Variants in DNAH8 observed in about 807,000 individuals in gnomAD.
The protein encoded by DNAH8 is axonemal beta dynein heavy chain 8.
Under a neutral mutation model 562.1 loss-of-function variants are expected in DNAH8, and 382 were observed. That is an observed-to-expected ratio of 0.68 (90% CI 0.63 to 0.74). DNAH8 has a LOEUF of 0.74. DNAH8 is among the 30% of genes least tolerant of loss of function. The pLI is 0.00. For missense variants in DNAH8, 5,203 were observed against 5,620.4 expected (o/e 0.93, Z 2.37); for synonymous variants, 1,881 against 1,919.4 (o/e 0.98, Z 0.52).
rs1441028488 is a variant in DNAH8, at chr6:38,761,752, A to G, written c.1566A>G (p.Gly522=). The G allele has an allele frequency of 6.4e-7, 1 of 1,566,300 alleles. No homozygotes were observed. The highest frequency in any genetic ancestry group is 1.2e-5 in the South Asian group (1 of 84,490). The change falls in exon 11 of 93, where the codon GGA becomes GGG. Residue 522 remains glycine, a synonymous_variant. Coordinates refer to ENST00000327475, the MANE Select transcript of DNAH8 (RefSeq NM_001206927.2). The part of the protein sequence containing the change: ...TACKAYITDG[G]LNHVWDQETP... ...GTAAAGCATATATTACTGATGGAGG[A>G]TTAAACCATGTATGGGATCAGGAAA...
At chr6:38,913,140 A>G (rs937480920) in intron 66 of DNAH8, among the ~76,000 whole-genome samples, 2 of 152,138 alleles carry the variant, frequency 1.3e-5, no homozygotes, top group African/African-American at 4.8e-5. Flanking sequence ...TCTTGAGGTT[A>G]TTTACTTCTG....
At chr6:38,842,225 G>T in intron 33 of DNAH8, 143 bp from the exon 34 acceptor site, 2 of 534,364 alleles carry the variant, frequency 3.7e-6, no homozygotes, top group South Asian at 1.0e-4. Flanking sequence ...ATTGAAAATG[G>T]ATATAGTTGT....
intron 9 of DNAH8, among the ~76,000 whole-genome samples, chr6:38,755,141 G>C (rs769159812): frequency 3.9e-5 from 6 of 152,064 alleles, no homozygotes; most frequent in Non-Finnish European, 8.8e-5. Flanking sequence ...TTATGTAGGA[G>C]TTAGATTCCT....
At chr6:38,846,947 T>C (rs1262979302) in intron 36 of DNAH8, among the ~76,000 whole-genome samples, 2 of 152,170 alleles carry the variant, frequency 1.3e-5, no homozygotes, top group East Asian at 3.9e-4. Context: ...TAAGAAGTCA[T>C]CAAATTCTGG....
intron 18 of DNAH8, among the ~76,000 whole-genome samples, chr6:38,788,701 T>G (rs948263830): frequency 1.5e-4 from 23 of 152,244 alleles, no homozygotes; most frequent in Non-Finnish European, 2.9e-4. Flanking sequence ...ATATATGATT[T>G]GCAAATTTTT....
At chr6:38,920,909 G>T (rs1781651669) in intron 70 of DNAH8, among the ~76,000 whole-genome samples, 1 of 151,886 alleles carries the variant, frequency 6.6e-6, no homozygotes, top group Non-Finnish European at 1.5e-5. Context: ...AAATTTTTTT[G>T]AGACAGGGTC....
intron 88 of DNAH8, among the ~76,000 whole-genome samples, chr6:39,006,357 A>G (rs1765799325): frequency 6.6e-6 from 1 of 152,230 alleles, no homozygotes; most frequent in Non-Finnish European, 1.5e-5. Context: ...ATTCATGTTT[A>G]TAGTTTCCTC....
At chr6:38,915,903 GATATATACACAC>G (rs1350560234) in intron 68 of DNAH8, among the ~76,000 whole-genome samples, 5 of 151,278 alleles carry the variant, frequency 3.3e-5, no homozygotes, top group African/African-American at 9.7e-5. Flanking sequence ...TATATATGTG[GATATATACACAC>G]ATATATACAC....
At position 38,856,879 on chromosome 6, in the gene DNAH8, G is replaced by T. The variant is rs140629294; in HGVS notation, c.5734-639G>T. ...AAGGGACAACCCTTTCAGTGAAGGG[G>T]TGAGGGTGGGGCATGCTCAGACCAC... On this transcript the variant is annotated intron_variant, in intron 41 of 92. Coordinates refer to ENST00000327475, the MANE Select transcript of DNAH8 (RefSeq NM_001206927.2). Among the ~76,000 whole-genome samples the T allele has an allele frequency of 6.8e-3, 1,028 of 152,230 alleles. 13 individuals are homozygous for T. The highest frequency in any genetic ancestry group is 0.023 in the African/African-American group (951 of 41,526).
chr6:38,988,966 C>A (rs894546522), intron 87 of DNAH8, among the ~76,000 whole-genome samples: 9 of 152,210 alleles, frequency 5.9e-5, no homozygotes, highest in Admixed American at 6.5e-5. Context: ...GGGTCACAAG[C>A]TCCTTGAAAG....
chr6:39,018,647 G>A (rs543438613), intron 91 of DNAH8, among the ~76,000 whole-genome samples: 7 of 152,198 alleles, frequency 4.6e-5, no homozygotes, highest in Non-Finnish European at 8.8e-5. Context: ...TGAGTCATCT[G>A]TGCCAGGATT....
rs115741101 is a variant in DNAH8 at position 38,848,885 on chromosome 6, A to G, written c.5199+84A>G. 544 of 1,373,086 alleles carry G rather than the reference A, an allele frequency of 4.0e-4. 4 individuals are homozygous for G. The African/African-American group carries it at 6.9e-3, about 17-fold the overall frequency. The allele number at this position is 1,373,086 out of a possible 1,614,324, so 85.1% of individuals were successfully genotyped here. A position where few individuals can be genotyped will look rare whatever the true frequency, so the allele number is the denominator to read the frequency against. ...TCTGTAAAAGTCTTCACAAAGACAT[A>G]TGGTCAAGGCTTGACTATGATGGGG... On this transcript the variant is annotated intron_variant, in intron 37 of 92. Coordinates refer to ENST00000327475, the MANE Select transcript of DNAH8 (RefSeq NM_001206927.2).
At chr6:38,816,679 C>G (rs1173966933) in intron 26 of DNAH8, among the ~76,000 whole-genome samples, 3 of 152,054 alleles carry the variant, frequency 2.0e-5, no homozygotes, top group African/African-American at 7.2e-5. Context: ...CTACAATGGT[C>G]GAACTAATTT....
intron 57 of DNAH8, among the ~76,000 whole-genome samples, chr6:38,888,066 T>C (rs1226584146): frequency 6.6e-6 from 1 of 152,014 alleles, no homozygotes; most frequent in Non-Finnish European, 1.5e-5. Context: ...CTCGAACTCC[T>C]GACCTCAGGT....
chr6:38,742,094 C>T (rs559360303), intron 8 of DNAH8, among the ~76,000 whole-genome samples: 1 of 152,116 alleles, frequency 6.6e-6, no homozygotes, highest in Non-Finnish European at 1.5e-5. Context: ...TTTGACCATA[C>T]TACTATGGGG....
rs1453347220 is a variant in DNAH8, at chr6:38,786,766, T to G, written c.2397T>G (p.Ala799=). The change falls in exon 18 of 93, where the codon GCT becomes GCG. Residue 799 remains alanine (A), a splice_region_variant and synonymous_variant. Transcript: ENST00000327475. ...ATGTCAATCATTATTTATTTGTAGC[T>G]TTACAAGCCACGCTTTTTGTGCGAC... is the stretch of plus-strand genomic sequence containing the variant. The part of the protein sequence containing the change: ...WIREISQLHY[A]LQATLFVRHP... 3 of 1,610,738 alleles carry G rather than the reference T, an allele frequency of 1.9e-6. No homozygotes were observed. In the African/African-American group the frequency reaches 4.0e-5, roughly 22 times the overall value.
intron 9 of DNAH8, among the ~76,000 whole-genome samples, chr6:38,750,810 T>A (rs968911324): frequency 6.6e-6 from 1 of 152,076 alleles, no homozygotes; most frequent in Non-Finnish European, 1.5e-5. Context: ...ACTTGTATAA[T>A]TAATGCATTA....
chr6:39,004,471 G>A (rs950272981), intron 88 of DNAH8, among the ~76,000 whole-genome samples: 2 of 152,108 alleles, frequency 1.3e-5, no homozygotes, highest in Non-Finnish European at 2.9e-5. Flanking sequence ...CCATGAGGGG[G>A]ACATTCTTTT....
intron 61 of DNAH8, among the ~76,000 whole-genome samples, chr6:38,899,404 A>G (rs1362157832): frequency 6.6e-6 from 1 of 152,244 alleles, no homozygotes; most frequent in Non-Finnish European, 1.5e-5. Flanking sequence ...ATAATAAAAA[A>G]ACAATTGTAA....
Sources: allele counts gnomAD v4.1 joint callset (sites outside exome capture counted in the v4.1 genomes callset), GRCh38; gene constraint gnomAD v4.1.1; transcripts MANE v1.5; gene names NCBI Gene and HGNC (gene_info 2026-07-23, HGNC 2026-07-21).